The following VKORC1L1 variants were observed in gnomAD, a reference collection of about 807,000 sequenced individuals.
The protein encoded by VKORC1L1 is vitamin K epoxide reductase complex subunit 1L1.
In VKORC1L1, 2 loss-of-function variants were observed where a neutral mutation model predicts 18.9. The observed-to-expected ratio is 0.11, with a 90% CI of 0.04 to 0.33. VKORC1L1 has a LOEUF of 0.33. Among genes scored for constraint, VKORC1L1 ranks in the 10% least tolerant of loss-of-function variants. VKORC1L1 has a pLI of 1.00. For missense variants in VKORC1L1, 123 were observed against 224.1 expected, an observed-to-expected ratio of 0.55 and a Z score of 2.88; for synonymous variants, 96 against 100.0, an observed-to-expected ratio of 0.96 and a Z score of 0.24.
At chr7:65,927,657 T>A (rs903060769) in intron 1 of VKORC1L1, among the ~76,000 whole-genome samples, 1 of 152,210 alleles carries the variant, frequency 6.6e-6, no homozygotes, top group Non-Finnish European at 1.5e-5. Context: ...GGCTGAGTAC[T>A]GCAGGTTTAC....
intron 1 of VKORC1L1, among the ~76,000 whole-genome samples, chr7:65,895,914 T>G (rs1226422573): frequency 6.7e-6 from 1 of 148,546 alleles, no homozygotes; most frequent in Admixed American, 6.7e-5. Flanking sequence ...TTTTTTTTTT[T>G]TTGAGACAGA....
In VKORC1L1 at chr7:65,954,203, C is replaced by T. The variant is rs768279578; in HGVS notation, c.434C>T (p.Thr145Met). The T allele has an allele frequency of 4.6e-5, 74 of 1,614,142 alleles. No individual in the cohort carries two copies. The highest frequency in any genetic ancestry group is 5.7e-5 in the Non-Finnish European group (67 of 1,180,038). The stretch of plus-strand genomic sequence containing the variant: ...GAGTTCTGCATCATCTGCATCGTCA[C>T]GTACGTGCTGAACTTCCTTCTTCTC... ...LKEFCIICIV[T>M]YVLNFLLLII... Residue 145 changes from threonine to methionine, a missense_variant, in exon 3 of 3, where the codon ACG (threonine) becomes ATG (methionine). Thr to Met is a moderately conservative substitution (Grantham distance 81, BLOSUM62 -1). This residue lies in a region of VKORC1L1 where 41 missense variants were observed against 61.6 expected (regional missense o/e 0.67). Transcript: ENST00000360768.
intron 1 of VKORC1L1, among the ~76,000 whole-genome samples, chr7:65,884,055 G>A (rs1363738002): frequency 6.6e-6 from 1 of 152,132 alleles, no homozygotes; most frequent in African/African-American, 2.4e-5. Context: ...CAACTCCACT[G>A]TGTTTAAAGT....
At chr7:65,928,610 GGTATGTACCAGT>G (rs1789806179) in intron 1 of VKORC1L1, among the ~76,000 whole-genome samples, 1 of 152,156 alleles carries the variant, frequency 6.6e-6, no homozygotes, top group South Asian at 2.1e-4. Context: ...GATAGTCCAT[GGTATGTACCAGT>G]GTATTCATCC....
At position 65,935,667 on chromosome 7, in the gene VKORC1L1, A is replaced by G. The variant is rs908716230; in HGVS notation, c.195-13004A>G. On this transcript the variant is annotated intron_variant, in intron 1 of 2. Coordinates refer to ENST00000360768, the MANE Select transcript of VKORC1L1 (RefSeq NM_173517.6). ...ATTTGAATTCTTGTCTACTTATATA[A>G]TGTGTCATTTTTCTCTGGATGCTTT... is the stretch of plus-strand genomic sequence containing the variant. Among the ~76,000 whole-genome samples, 4 of 151,880 alleles carry G rather than the reference A, an allele frequency of 2.6e-5. No individual in the cohort carries two copies. In the South Asian group the frequency reaches 8.3e-4, roughly 32 times the overall value.
At chr7:65,891,193 C>T (rs1448963297) in intron 1 of VKORC1L1, among the ~76,000 whole-genome samples, 2 of 150,882 alleles carry the variant, frequency 1.3e-5, no homozygotes, top group East Asian at 3.9e-4. Flanking sequence ...TTATATTACC[C>T]TTTGTTTATT....
At chr7:65,869,640 C>CTTTTTTTTTT (rs1226951533), upstream of VKORC1L1, among the ~76,000 whole-genome samples, 1 of 77,284 alleles carries the variant, frequency 1.3e-5, no homozygotes, top group African/African-American at 5.2e-5. Flanking sequence ...CGATTTCATT[C>CTTTTTTTTTT]TTTTTTTTTT....
At chr7:65,900,755 A>G (rs560534403) in intron 1 of VKORC1L1, among the ~76,000 whole-genome samples, 3 of 152,344 alleles carry the variant, frequency 2.0e-5, no homozygotes, top group Admixed American at 6.5e-5. Context: ...CCGTGAGCCA[A>G]GATTGCGCCA....
intron 1 of VKORC1L1, among the ~76,000 whole-genome samples, chr7:65,928,002 T>C (rs1050914845): frequency 1.1e-4 from 17 of 152,072 alleles, no homozygotes; most frequent in African/African-American, 3.9e-4. Flanking sequence ...CTTTATCTCT[T>C]TATTTCCGTG....
chr7:65,905,068 C>T (rs1789383597), intron 1 of VKORC1L1, among the ~76,000 whole-genome samples: 1 of 151,888 alleles, frequency 6.6e-6, no homozygotes. Flanking sequence ...CATACATACA[C>T]ACACATATGC....
chr7:65,908,095 T>A (rs1172554951), intron 1 of VKORC1L1, among the ~76,000 whole-genome samples: 1 of 152,178 alleles, frequency 6.6e-6, no homozygotes, highest in Non-Finnish European at 1.5e-5. Context: ...CCTTCAAATT[T>A]GTATTAGTAG....
rs951782498 is a variant in VKORC1L1, at chr7:65,958,296, G to T, written c.*3996G>T. ...TAAGCATGGCCTAAGTATTTATTAG[G>T]TATATGATCTGTGTAGTATGTTCCA... is the stretch of plus-strand genomic sequence containing the variant. On this transcript the variant is annotated 3_prime_UTR_variant, in exon 3 of 3. Coordinates refer to ENST00000360768, the MANE Select transcript of VKORC1L1 (RefSeq NM_173517.6). 2.0e-5 allele frequency: 3 copies of T among 152,146 alleles called. No individual in the cohort carries two copies. The highest frequency in any genetic ancestry group is 2.0e-4 in the Admixed American group (3 of 15,264). 9.4% of individuals were successfully genotyped at this position (152,146 alleles called of 1,614,324 possible). A position where few individuals can be genotyped will look rare whatever the true frequency, so the allele number is the denominator to read the frequency against.
chr7:65,933,804 AT>A (rs1789896997), intron 1 of VKORC1L1, among the ~76,000 whole-genome samples: 1 of 151,826 alleles, frequency 6.6e-6, no homozygotes, highest in South Asian at 2.1e-4. Flanking sequence ...TTGACTTTTT[AT>A]TTTTATCTCT....
chr7:65,873,626 G>C, intron 1 of VKORC1L1, 61 bp downstream of exon 1: 1 of 1,400,964 alleles, frequency 7.1e-7, no homozygotes, highest in Non-Finnish European at 9.3e-7. Flanking sequence ...GAGTCTCGGG[G>C]TGGGGAGCGC....
rs1425194765 is a variant in VKORC1L1 at position 65,905,458 on chromosome 7, C to T, written c.194+31893C>T. ...CCACATAGCTGGGACTACAGGTGCC[C>T]GCCACCACACTCGGCTAATTTTTTG... is the stretch of plus-strand genomic sequence containing the variant. On this transcript the variant is annotated intron_variant, in intron 1 of 2. Transcript: ENST00000360768. 4.6e-5 allele frequency among the ~76,000 whole-genome samples: 7 copies of T among 151,954 alleles called. No homozygotes were observed. The East Asian group carries it at 9.7e-4, about 21-fold the overall frequency.
At chr7:65,923,578 C>A (rs968531473) in intron 1 of VKORC1L1, among the ~76,000 whole-genome samples, 3 of 151,960 alleles carry the variant, frequency 2.0e-5, no homozygotes, top group African/African-American at 7.3e-5. Flanking sequence ...TGGAAACACA[C>A]CTCCAAGAAG....
intron 1 of VKORC1L1, among the ~76,000 whole-genome samples, chr7:65,947,626 A>G (rs778038787): frequency 6.6e-6 from 1 of 152,164 alleles, no homozygotes; most frequent in South Asian, 2.1e-4. Flanking sequence ...TAGGGCATAT[A>G]ATGTATCCAG....
At chr7:65,867,908 G>A in the VKORC1L1 span, among the ~76,000 whole-genome samples, 1 of 152,252 alleles carries the variant, frequency 6.6e-6, no homozygotes, top group East Asian at 1.9e-4. Context: ...GTCCAGTTGT[G>A]CAATCTCGAC....
At chr7:65,931,502 G>T (rs1789856899) in intron 1 of VKORC1L1, among the ~76,000 whole-genome samples, 1 of 152,062 alleles carries the variant, frequency 6.6e-6, no homozygotes. Flanking sequence ...TGGGCATAGA[G>T]TTCCTTTATT....
Sources: gnomAD v4.1 joint callset for allele counts (sites outside exome capture counted in the v4.1 genomes callset) on GRCh38, gnomAD v4.1.1 for gene constraint, gnomAD v4.1.1 regional missense constraint, MANE v1.5 for transcripts, NCBI Gene and HGNC (gene_info 2026-07-23, HGNC 2026-07-21) for gene names.